Variants in TRAPPC8 observed in about 807,000 individuals in gnomAD.
The protein encoded by TRAPPC8 is trafficking protein particle complex subunit 8.
TRAPPC8 carries 54 observed loss-of-function variants against 174.3 expected under a neutral mutation model. The ratio of observed to expected loss-of-function variants is 0.31; its 90% CI spans 0.25 to 0.39. The LOEUF is 0.39. Among genes scored for constraint, TRAPPC8 ranks in the 10% least tolerant of loss-of-function variants. The pLI, the probability that TRAPPC8 is intolerant of heterozygous loss-of-function variation, is 1.00. For missense variants in TRAPPC8, 1,531 were observed against 1,699.1 expected, an observed-to-expected ratio of 0.90 and a Z score of 1.74; for synonymous variants, 630 against 579.9, an observed-to-expected ratio of 1.09 and a Z score of -1.24.
chr18:31,902,372 A>C (rs1466380147), intron 9 of TRAPPC8, among the ~76,000 whole-genome samples: 1 of 152,056 alleles, frequency 6.6e-6, no homozygotes, highest in Non-Finnish European at 1.5e-5. Context: ...AAGTATGCTG[A>C]CCCTACACTG....
intron 2 of TRAPPC8, among the ~76,000 whole-genome samples, chr18:31,928,507 G>C (rs2037720063): frequency 6.6e-6 from 1 of 151,942 alleles, no homozygotes; most frequent in Non-Finnish European, 1.5e-5. Flanking sequence ...TAGGGTGATA[G>C]AGTAAGACCC....
chr18:31,891,266 T>C (rs777260165), intron 11 of TRAPPC8: 1 of 152,534 alleles, frequency 6.6e-6, no homozygotes, highest in Non-Finnish European at 1.5e-5. Context: ...AATTGACTTG[T>C]TGGCATATTT....
At position 31,913,356 on chromosome 18, in the gene TRAPPC8, T is replaced by C. The variant is rs544093087; in HGVS notation, c.771+13A>G. 9.0e-6 allele frequency: 14 copies of C among 1,555,532 alleles called. No homozygotes were observed. In the African/African-American group the frequency reaches 1.8e-4, roughly 20 times the overall value. ...CGTTTTTGTGGTTTGCTTCATTTATTTTTTACATATACCTGGTTTTGAATA... is the reference window on the plus strand; with the variant it reads ...CGTTTTTGTGGTTTGCTTCATTTATCTTTTACATATACCTGGTTTTGAATA... On this transcript the variant is annotated intron_variant, in intron 5 of 28. Transcript: ENST00000283351.
chr18:31,829,870 A>G lies in TRAPPC8; in HGVS notation c.*885T>C, dbSNP rs1368434556. The G allele has an allele frequency of 6.6e-6, 1 of 152,632 alleles. No homozygotes were observed. The allele number at this position is 152,632 out of a possible 1,614,324, so 9.5% of individuals were successfully genotyped here. A position where few individuals can be genotyped will look rare whatever the true frequency, so the allele number is the denominator to read the frequency against. On this transcript the variant is annotated 3_prime_UTR_variant, in exon 29 of 29. Coordinates refer to ENST00000283351, the MANE Select transcript of TRAPPC8 (RefSeq NM_014939.5). The stretch of plus-strand genomic sequence containing the variant: ...GGCTGAATTGAAATTTCTTATGTCC[A>G]AATGCCCATTCTCTGAATAAAAAAA...
In TRAPPC8 at chr18:31,843,285, C is replaced by T. The variant is rs140109859; in HGVS notation, c.3837+3431G>A. On this transcript the variant is annotated intron_variant, in intron 26 of 28. Coordinates refer to ENST00000283351, the MANE Select transcript of TRAPPC8 (RefSeq NM_014939.5). ...CACCTCTTCTGTCTTTTTTCTTTTT[C>T]GGTTAAAATTTTACCATTCATTAAG... 7.3e-3 allele frequency among the ~76,000 whole-genome samples: 1,104 copies of T among 151,718 alleles called. 15 individuals carry two copies. Among genetic ancestry groups the T allele is most frequent in the African/African-American group, 0.026 (1,058 of 41,400 alleles).
At chr18:31,848,585 A>C (rs1050399149) in intron 25 of TRAPPC8, among the ~76,000 whole-genome samples, 4 of 152,210 alleles carry the variant, frequency 2.6e-5, no homozygotes, top group African/African-American at 9.6e-5. Flanking sequence ...TGAAACATGC[A>C]AAGTCAGCTT....
chr18:31,942,794 C>G lies in TRAPPC8; in HGVS notation c.-30G>C. The G allele has an allele frequency of 7.3e-7, 1 of 1,369,288 alleles. No individual in the cohort carries two copies. The highest frequency in any genetic ancestry group is 9.5e-7 in the Non-Finnish European group (1 of 1,051,744). The allele number at this position is 1,369,288 out of a possible 1,614,324, so 84.8% of individuals were successfully genotyped here. On this transcript the variant is annotated 5_prime_UTR_variant, in exon 1 of 29. Transcript: ENST00000283351. The stretch of plus-strand genomic sequence containing the variant: ...GCAGCACAGGCAGCGGCGGCGCCCG[C>G]CCTCCGGCCCACCCTGCGAGGTTAT...
chr18:31,913,611 A>G, intron 4 of TRAPPC8, 89 bp from the exon 5 acceptor site: 1 of 1,011,732 alleles, frequency 9.9e-7, no homozygotes, highest in Non-Finnish European at 1.3e-6. Flanking sequence ...AAATAACATT[A>G]AAATAATCCC....
In TRAPPC8 at chr18:31,849,728, T is replaced by C. The variant is rs767662717; in HGVS notation, c.3573A>G (p.Ser1191=). Residue 1191 remains serine (S), a synonymous_variant, in exon 25 of 29, where the codon TCA becomes TCG. Transcript: ENST00000283351. ...AAAAGAAGTCTGCACATGGGCTTGCTGAACTTATTATCTGTTAAAAGAAAA... is the reference window on the plus strand; with the variant it reads ...AAAAGAAGTCTGCACATGGGCTTGCCGAACTTATTATCTGTTAAAAGAAAA... ...IIFGNEQIIS[S]ASPCADFFYR... 7.5e-6 allele frequency: 12 copies of C among 1,597,546 alleles called. No homozygotes were observed. The East Asian group carries it at 2.7e-4, about 36-fold the overall frequency.
At position 31,941,652 on chromosome 18, in the gene TRAPPC8, T is replaced by C. The variant is rs376995987; in HGVS notation, c.157+956A>G. On this transcript the variant is annotated intron_variant, in intron 1 of 28. Transcript: ENST00000283351. The stretch of plus-strand genomic sequence containing the variant: ...AATGGAACTATTCTCCCAAAAAACA[T>C]GGTAGCGCAAAAATGGTACAGCACT... 1.9e-4 allele frequency among the ~76,000 whole-genome samples: 29 copies of C among 152,194 alleles called. No individual in the cohort carries two copies. In the East Asian group the frequency reaches 4.1e-3, roughly 21 times the overall value.
At chr18:31,863,665 C>A (rs1417663130) in intron 19 of TRAPPC8, among the ~76,000 whole-genome samples, 1 of 152,144 alleles carries the variant, frequency 6.6e-6, no homozygotes, top group Non-Finnish European at 1.5e-5. Context: ...ATCACTGGCA[C>A]TTTTGGAGGT....
At chr18:31,877,116 CT>C (rs1766494890) in intron 12 of TRAPPC8, among the ~76,000 whole-genome samples, 1 of 152,194 alleles carries the variant, frequency 6.6e-6, no homozygotes, top group South Asian at 2.1e-4. Flanking sequence ...AAAGCCCCAC[CT>C]TGAGACAAAG....
intron 14 of TRAPPC8, among the ~76,000 whole-genome samples, chr18:31,872,856 G>A (rs2034941819): frequency 6.6e-6 from 1 of 151,898 alleles, no homozygotes. Flanking sequence ...AATAACAAAA[G>A]CATTCTTTAA....
chr18:31,905,624 A>AT (rs1282328114), intron 9 of TRAPPC8, among the ~76,000 whole-genome samples: 7 of 152,152 alleles, frequency 4.6e-5, no homozygotes, highest in Non-Finnish European at 1.0e-4. Flanking sequence ...GTACCATTTA[A>AT]TGTTTTTGTT....
In TRAPPC8 at chr18:31,874,589, C is replaced by G. The variant is rs546901885; in HGVS notation, c.1844G>C (p.Arg615Thr). The change falls in exon 13 of 29, where the codon AGA (arginine) becomes ACA (threonine). Residue 615 changes from arginine (R) to threonine (T), a missense_variant. Coordinates refer to ENST00000283351, the MANE Select transcript of TRAPPC8 (RefSeq NM_014939.5). ...FTIGRQSYTL[R>T]QLDNAVSAFR... The stretch of plus-strand genomic sequence containing the variant: ...AGCAGACACAGCATTATCCAGCTGT[C>G]TAAGAGTATAGGACTGGCGCCCAAT... 2.7e-5 allele frequency: 44 copies of G among 1,614,102 alleles called. 1 individual carries two copies. In the Middle Eastern group the frequency reaches 6.6e-4, roughly 24 times the overall value.
intron 18 of TRAPPC8, among the ~76,000 whole-genome samples, chr18:31,866,056 A>G (rs2034571191): frequency 6.6e-6 from 1 of 152,020 alleles, no homozygotes. Flanking sequence ...CAAATTTTCC[A>G]AGTGTTCCCA....
At chr18:31,897,707 C>G (rs888334349) in intron 11 of TRAPPC8, 79 bp downstream of exon 11, 12 of 1,024,214 alleles carry the variant, frequency 1.2e-5, no homozygotes, top group Non-Finnish European at 1.4e-5. Context: ...TTTTGTAAAG[C>G]CTTTCAAGAA....
At chr18:31,852,245 G>T (rs1191892415) in intron 24 of TRAPPC8, among the ~76,000 whole-genome samples, 2 of 152,122 alleles carry the variant, frequency 1.3e-5, no homozygotes, top group East Asian at 1.9e-4. Flanking sequence ...GGAGGCTGAG[G>T]GGGGAGGATC....
At chr18:31,902,374 C>A (rs573820062) in intron 9 of TRAPPC8, among the ~76,000 whole-genome samples, 4 of 152,020 alleles carry the variant, frequency 2.6e-5, no homozygotes, top group Non-Finnish European at 5.9e-5. Context: ...GTATGCTGAC[C>A]CTACACTGGT....
Sources: gnomAD v4.1 joint callset for allele counts (sites outside exome capture counted in the v4.1 genomes callset) on GRCh38, gnomAD v4.1.1 for gene constraint, MANE v1.5 for transcripts, NCBI Gene and HGNC (gene_info 2026-07-23, HGNC 2026-07-21) for gene names.